The following CMTM8 variants were observed in gnomAD, a reference collection of about 807,000 sequenced individuals.
CMTM8 encodes the protein CKLF like MARVEL transmembrane domain containing 8.
Under a neutral mutation model 18.6 loss-of-function variants are expected in CMTM8, and 12 were observed. That is an observed-to-expected ratio of 0.65 (90% CI 0.41 to 1.05). The LOEUF (loss-of-function observed/expected upper bound fraction) is 1.05, where lower values mean the gene tolerates loss of function less well. Among genes scored for constraint, CMTM8 ranks in the 50% least tolerant of loss-of-function variants. The pLI is 0.00. For synonymous variants in CMTM8, 87 were observed against 90.6 expected (o/e 0.96, Z 0.23); for missense variants, 217 against 227.2 (o/e 0.95, Z 0.29).
chr3:32,313,336 G>A (rs1695856747), intron 1 of CMTM8, among the ~76,000 whole-genome samples: 1 of 152,186 alleles, frequency 6.6e-6, no homozygotes, highest in Non-Finnish European at 1.5e-5. Context: ...TTGCAGCAGG[G>A]GGGAGCCTAG....
At chr3:32,282,220 A>G (rs1702618907) in intron 1 of CMTM8, among the ~76,000 whole-genome samples, 1 of 152,196 alleles carries the variant, frequency 6.6e-6, no homozygotes. Flanking sequence ...AGCAAAATCT[A>G]GATTGTGTGT....
chr3:32,328,105 T>G lies in CMTM8; in HGVS notation c.148-29268T>G, dbSNP rs556425368. Among the ~76,000 whole-genome samples, 408 of 152,170 alleles carry G rather than the reference T, an allele frequency of 2.7e-3. 1 individual carries two copies. The highest frequency in any genetic ancestry group is 9.5e-3 in the African/African-American group (396 of 41,550). ...AAAAAATTTTTAAGTGACGGCACAG[T>G]GGCCCATGCCTGTAATCCCAGCACT... On this transcript the variant is annotated intron_variant, in intron 1 of 3. Coordinates refer to ENST00000307526, the MANE Select transcript of CMTM8 (RefSeq NM_178868.5).
intron 1 of CMTM8, among the ~76,000 whole-genome samples, chr3:32,315,628 A>C (rs1036503462): frequency 1.3e-5 from 2 of 152,208 alleles, no homozygotes; most frequent in Non-Finnish European, 2.9e-5. Flanking sequence ...AATCACAGTT[A>C]ATGTTGTACT....
At chr3:32,292,484 C>A (rs755382075) in intron 1 of CMTM8, among the ~76,000 whole-genome samples, 8 of 152,180 alleles carry the variant, frequency 5.3e-5, no homozygotes, top group Non-Finnish European at 1.2e-4. Context: ...ACTGCGTAAT[C>A]CATCTACATG....
intron 1 of CMTM8, among the ~76,000 whole-genome samples, chr3:32,249,483 G>A (rs1702087231): frequency 6.6e-6 from 1 of 151,812 alleles, no homozygotes; most frequent in African/African-American, 2.4e-5. Flanking sequence ...GTTTCCAAAG[G>A]GACCGTACTG....
chr3:32,325,485 G>T (rs1696132115), intron 1 of CMTM8, among the ~76,000 whole-genome samples: 1 of 152,134 alleles, frequency 6.6e-6, no homozygotes, highest in African/African-American at 2.4e-5. Context: ...GTCACAGTAG[G>T]CATCTAAATT....
intron 1 of CMTM8, among the ~76,000 whole-genome samples, chr3:32,304,538 CTCAA>C (rs1208740829): frequency 6.6e-6 from 1 of 152,200 alleles, no homozygotes; most frequent in African/African-American, 2.4e-5. Flanking sequence ...GATTGTCATA[CTCAA>C]TCTATATGAA....
intron 1 of CMTM8, among the ~76,000 whole-genome samples, chr3:32,296,349 T>G (rs1176309555): frequency 6.6e-6 from 1 of 152,070 alleles, no homozygotes; most frequent in East Asian, 1.9e-4. Flanking sequence ...CCCTCCGGAG[T>G]AGGCTTGTCT....
At chr3:32,288,044 A>G (rs1425803787) in intron 1 of CMTM8, among the ~76,000 whole-genome samples, 2 of 152,256 alleles carry the variant, frequency 1.3e-5, no homozygotes, top group African/African-American at 4.8e-5. Context: ...ATTACGGATC[A>G]TAAAACTAAA....
intron 1 of CMTM8, among the ~76,000 whole-genome samples, chr3:32,239,793 A>G (rs2125524665): frequency 6.6e-6 from 1 of 152,304 alleles, no homozygotes; most frequent in Non-Finnish European, 1.5e-5. Context: ...TAGCTGAGAA[A>G]GGACTGGAGT....
At chr3:32,361,286 G>GTTTTTTTTTTT (rs58364646) in intron 2 of CMTM8, among the ~76,000 whole-genome samples, 3 of 87,270 alleles carry the variant, frequency 3.4e-5, no homozygotes, top group African/African-American at 1.2e-4. Flanking sequence ...CAGCCTAAGA[G>GTTTTTTTTTTT]TTTTTTTTTC....
At chr3:32,273,756 C>T (rs894245527) in intron 1 of CMTM8, among the ~76,000 whole-genome samples, 3 of 152,134 alleles carry the variant, frequency 2.0e-5, no homozygotes, top group East Asian at 1.9e-4. Flanking sequence ...GTTCTGAAAT[C>T]GGATAGTTGT....
chr3:32,310,847 T>TA lies in CMTM8; in HGVS notation c.148-46523dup, dbSNP rs569681150. Among the ~76,000 whole-genome samples, 30 of 152,360 alleles carry TA rather than the reference T, an allele frequency of 2.0e-4. No homozygotes were observed. The East Asian group carries it at 5.4e-3, about 27-fold the overall frequency. The stretch of plus-strand genomic sequence containing the variant: ...AATACACAAAGTTGGAAAAAAATGT[T>TA]AAACACCTATGCTGCTATAATTTTT... On this transcript the variant is annotated intron_variant, in intron 1 of 3. Coordinates refer to ENST00000307526, the MANE Select transcript of CMTM8 (RefSeq NM_178868.5).
intron 1 of CMTM8, among the ~76,000 whole-genome samples, chr3:32,287,024 G>T (rs554142932): frequency 4.3e-4 from 66 of 152,354 alleles, no homozygotes; most frequent in African/African-American, 1.4e-3. Flanking sequence ...CTGCTTTAAA[G>T]GTGGAATGGT....
chr3:32,327,383 T>C (rs916806199), intron 1 of CMTM8, among the ~76,000 whole-genome samples: 76 of 152,308 alleles, frequency 5.0e-4, no homozygotes, highest in African/African-American at 1.7e-3. Flanking sequence ...TTAAAAGATA[T>C]TAGAAAGGCA....
intron 2 of CMTM8, among the ~76,000 whole-genome samples, chr3:32,361,085 G>A (rs780145286): frequency 5.3e-5 from 8 of 152,146 alleles, no homozygotes; most frequent in African/African-American, 1.4e-4. Flanking sequence ...GGGTTCAAGC[G>A]ATTCTCCTGC....
chr3:32,288,006 G>A (rs905132132), intron 1 of CMTM8, among the ~76,000 whole-genome samples: 1 of 152,100 alleles, frequency 6.6e-6, no homozygotes, highest in Non-Finnish European at 1.5e-5. Flanking sequence ...TAATTCACAC[G>A]ATACATTATA....
chr3:32,347,037 C>T (rs142660139), intron 1 of CMTM8, among the ~76,000 whole-genome samples: 1 of 152,140 alleles, frequency 6.6e-6, no homozygotes, highest in Non-Finnish European at 1.5e-5. Context: ...CTATGTTGCC[C>T]AGGCTAGTCT....
intron 1 of CMTM8, among the ~76,000 whole-genome samples, chr3:32,321,613 T>A (rs1696055931): frequency 6.6e-6 from 1 of 152,196 alleles, no homozygotes; most frequent in African/African-American, 2.4e-5. Context: ...TTTCTTTTTT[T>A]AAAGACAGAG....
Sources: gnomAD v4.1 joint callset for allele counts (sites outside exome capture counted in the v4.1 genomes callset) on GRCh38, gnomAD v4.1.1 for gene constraint, MANE v1.5 for transcripts, NCBI Gene and HGNC (gene_info 2026-07-23, HGNC 2026-07-21) for gene names.